The following LEKR1 variants were observed in gnomAD, a reference collection of about 807,000 sequenced individuals.
The protein encoded by LEKR1 is protein LEKR1.
Under a neutral mutation model 72.4 loss-of-function variants are expected in LEKR1, and 59 were observed. That is an observed-to-expected ratio of 0.82 (90% CI 0.66 to 1.01). LEKR1 has a LOEUF of 1.01. Among genes scored for constraint, LEKR1 ranks in the 50% least tolerant of loss-of-function variants. The pLI, the probability that LEKR1 is intolerant of heterozygous loss-of-function variation, is 0.00. For synonymous variants in LEKR1, 257 were observed against 263.2 expected (o/e 0.98, Z 0.23); for missense variants, 728 against 759.2 (o/e 0.96, Z 0.48).
chr3:157,024,762 TGAA>T lies in LEKR1; in HGVS notation c.1208_1210del (p.Glu403del). On this transcript the variant is annotated inframe_deletion, in exon 11 of 13. Transcript: ENST00000356539. ...TGTGCTTTAAATGCCATTTCTAGAT[TGAA>T]GCAGAACTTGCCAAGGAAAGGGCCC... is the stretch of plus-strand genomic sequence containing the variant. The T allele has an allele frequency of 6.2e-7, 1 of 1,600,878 alleles. No homozygotes were observed. Among genetic ancestry groups the T allele is most frequent in the Non-Finnish European group, 8.5e-7 (1 of 1,176,580 alleles).
chr3:156,909,954 G>T (rs1252623414), intron 3 of LEKR1, among the ~76,000 whole-genome samples: 1 of 151,882 alleles, frequency 6.6e-6, no homozygotes, highest in Non-Finnish European at 1.5e-5. Flanking sequence ...TACTTTTATA[G>T]CTCTTTATTT....
intron 3 of LEKR1, 88 bp from the exon 4 acceptor site, chr3:156,920,487 T>C: frequency 1.2e-6 from 1 of 814,066 alleles, no homozygotes; most frequent in Non-Finnish European, 1.9e-6. Context: ...CTTCTACTCC[T>C]TTTTATTAAA....
At chr3:157,012,832 T>C (rs1423040019) in intron 10 of LEKR1, among the ~76,000 whole-genome samples, 1 of 152,148 alleles carries the variant, frequency 6.6e-6, no homozygotes, top group East Asian at 1.9e-4. Context: ...TTCTTTCTCA[T>C]TTTTATTAGC....
chr3:156,925,655 G>A (rs575094027), intron 4 of LEKR1, among the ~76,000 whole-genome samples: 5 of 152,000 alleles, frequency 3.3e-5, no homozygotes, highest in Admixed American at 6.6e-5. Flanking sequence ...CCAAGGTTCT[G>A]GGAGGGCTCC....
intron 3 of LEKR1, among the ~76,000 whole-genome samples, chr3:156,915,783 T>G (rs534303612): frequency 1.2e-4 from 18 of 152,336 alleles, no homozygotes; most frequent in Admixed American, 7.8e-4. Context: ...AATTTGTCAA[T>G]TTTGGCTATT....
Position 156,899,341 on chromosome 3 carries a change from C to CATACACACATGTATATAT in LEKR1, c.264-21233_264-21232insTACACACATGTATATATA, listed in dbSNP as rs1273168328. Among the ~76,000 whole-genome samples, 14 of 112,294 alleles carry CATACACACATGTATATAT rather than the reference C, an allele frequency of 1.2e-4. 1 individual carries two copies. The highest frequency in any genetic ancestry group is 5.3e-4 in the African/African-American group (13 of 24,614). 73.7% of individuals were successfully genotyped at this position (112,294 alleles called of 152,430 possible). ...GTATATATACATATATACATATATA[C>CATACACACATGTATATAT]ACATATATACATGTATATATACATA... is the stretch of plus-strand genomic sequence containing the variant. On this transcript the variant is annotated intron_variant, in intron 3 of 12. Coordinates refer to ENST00000356539, the MANE Select transcript of LEKR1 (RefSeq NM_001004316.3).
intron 3 of LEKR1, among the ~76,000 whole-genome samples, chr3:156,869,319 A>G (rs1435665134): frequency 6.6e-6 from 1 of 152,032 alleles, no homozygotes; most frequent in South Asian, 2.1e-4. Context: ...CCTATCAACA[A>G]TGTATAAGGG....
intron 3 of LEKR1, among the ~76,000 whole-genome samples, chr3:156,905,504 A>G (rs1223839020): frequency 6.6e-6 from 1 of 152,128 alleles, no homozygotes; most frequent in Non-Finnish European, 1.5e-5. Flanking sequence ...CTACTGTTCT[A>G]TACACTTGTG....
chr3:157,023,681 T>C (rs1385584432), intron 10 of LEKR1, among the ~76,000 whole-genome samples: 1 of 152,146 alleles, frequency 6.6e-6, no homozygotes, highest in East Asian at 1.9e-4. Flanking sequence ...AAACTTAAGA[T>C]CACTCAGTTA....
At position 156,968,749 on chromosome 3, in the gene LEKR1, A is replaced by G. The variant is rs957449578; in HGVS notation, c.746-10445A>G. 6.5e-4 allele frequency among the ~76,000 whole-genome samples: 99 copies of G among 152,168 alleles called. 1 individual carries two copies. The highest frequency in any genetic ancestry group is 1.2e-3 in the Non-Finnish European group (85 of 68,026). On this transcript the variant is annotated intron_variant, in intron 6 of 12. Coordinates refer to ENST00000356539, the MANE Select transcript of LEKR1 (RefSeq NM_001004316.3). ...GTTAACAAGGATATCCAGGAATTGA[A>G]CTCAGCTCTTCACCAAGCAGACCTA...
At chr3:156,850,590 A>G (rs1470570030) in intron 2 of LEKR1, among the ~76,000 whole-genome samples, 1 of 152,148 alleles carries the variant, frequency 6.6e-6, no homozygotes, top group Non-Finnish European at 1.5e-5. Context: ...AATTTTAGTT[A>G]TGTTAGTTAC....
In LEKR1 at chr3:156,943,672, G is replaced by T. The variant is rs1462415322; in HGVS notation, c.745+958G>T. Among the ~76,000 whole-genome samples the T allele has an allele frequency of 2.0e-5, 3 of 151,854 alleles. No homozygotes were observed. The East Asian group carries it at 5.8e-4, about 29-fold the overall frequency. On this transcript the variant is annotated intron_variant, in intron 6 of 12. Transcript: ENST00000356539. ...GTTGAGGTGACTACCTAAGACCAGGGAGATGAACATCTGTCTGAGTAAACA... is the reference window on the plus strand; with the variant it reads ...GTTGAGGTGACTACCTAAGACCAGGTAGATGAACATCTGTCTGAGTAAACA...
rs189566075 is a variant in LEKR1, at chr3:156,887,359, C to T, written c.264-33216C>T. On this transcript the variant is annotated intron_variant, in intron 3 of 12. Transcript: ENST00000356539. ...GTGTGGAGTGAGGCAGTGAGTGTGG[C>T]TGTAAAGCCTAGGCTTGGAGCCTGG... 2.6e-5 allele frequency among the ~76,000 whole-genome samples: 4 copies of T among 152,114 alleles called. No homozygotes were observed. In the East Asian group the frequency reaches 7.7e-4, roughly 29 times the overall value.
intron 3 of LEKR1, among the ~76,000 whole-genome samples, chr3:156,895,886 C>A (rs974281929): frequency 6.6e-6 from 1 of 152,102 alleles, no homozygotes; most frequent in Non-Finnish European, 1.5e-5. Flanking sequence ...ATAAATCATT[C>A]TATTATAAAG....
intron 6 of LEKR1, among the ~76,000 whole-genome samples, chr3:156,944,449 A>G (rs1046640771): frequency 6.6e-6 from 1 of 151,688 alleles, no homozygotes; most frequent in Non-Finnish European, 1.5e-5. Context: ...TTAAATGTAC[A>G]ATATTATTGT....
chr3:156,888,663 C>T (rs141521136), intron 3 of LEKR1, among the ~76,000 whole-genome samples: 1 of 152,150 alleles, frequency 6.6e-6, no homozygotes, highest in Non-Finnish European at 1.5e-5. Context: ...TTTCTCTAAC[C>T]TTTTGCGTTT....
intron 6 of LEKR1, among the ~76,000 whole-genome samples, chr3:156,960,332 C>T (rs549952019): frequency 2.6e-5 from 4 of 152,308 alleles, no homozygotes; most frequent in Admixed American, 6.5e-5. Context: ...GTTGCCCAGA[C>T]TGGAGTGCAG....
At chr3:156,872,164 A>G (rs1225637258) in intron 3 of LEKR1, among the ~76,000 whole-genome samples, 2 of 151,320 alleles carry the variant, frequency 1.3e-5, no homozygotes, top group Non-Finnish European at 2.9e-5. Flanking sequence ...TCCTAATTCA[A>G]TTTTGGGAGG....
intron 3 of LEKR1, among the ~76,000 whole-genome samples, chr3:156,881,987 T>C (rs1283861067): frequency 1.4e-5 from 2 of 144,364 alleles, no homozygotes; most frequent in Non-Finnish European, 3.0e-5. Flanking sequence ...TTACACCTTA[T>C]ACAAAAATCA....
Sources: gnomAD v4.1 joint callset for allele counts (sites outside exome capture counted in the v4.1 genomes callset) on GRCh38, gnomAD v4.1.1 for gene constraint, MANE v1.5 for transcripts, NCBI Gene and HGNC (gene_info 2026-07-23, HGNC 2026-07-21) for gene names.